Variants in NDFIP2 observed in about 807,000 individuals in gnomAD.
NDFIP2 encodes Nedd4 family interacting protein 2, also known as NEDD4 family-interacting protein 2.
Under a neutral mutation model 36.0 loss-of-function variants are expected in NDFIP2, and 19 were observed. That is an observed-to-expected ratio of 0.53 (90% CI 0.37 to 0.77). The LOEUF is 0.77. Among genes scored for constraint, NDFIP2 ranks in the 30% least tolerant of loss-of-function variants. The pLI is 0.00. For synonymous variants in NDFIP2, 181 were observed against 167.7 expected (o/e 1.08, Z -0.61); for missense variants, 446 against 435.8 (o/e 1.02, Z -0.21).
chr13:79,539,652 G>T, intron 3 of NDFIP2, 30 bp from the exon 4 acceptor site: 1 of 1,557,412 alleles, frequency 6.4e-7, no homozygotes, highest in Non-Finnish European at 8.8e-7. Context: ...GTAATTTTTA[G>T]TGAGCTATTC....
intron 1 of NDFIP2, among the ~76,000 whole-genome samples, chr13:79,502,987 A>G (rs1873724400): frequency 6.6e-6 from 1 of 152,076 alleles, no homozygotes; most frequent in Non-Finnish European, 1.5e-5. Context: ...GAGAATTTAA[A>G]GAAAAAACAA....
At chr13:79,494,750 A>G (rs1384006464) in intron 1 of NDFIP2, among the ~76,000 whole-genome samples, 1 of 152,012 alleles carries the variant, frequency 6.6e-6, no homozygotes, top group Non-Finnish European at 1.5e-5. Flanking sequence ...GTAGGTTCCT[A>G]AGAAAGGATA....
At chr13:79,523,418 C>T (rs1874664730) in intron 2 of NDFIP2, among the ~76,000 whole-genome samples, 1 of 152,108 alleles carries the variant, frequency 6.6e-6, no homozygotes, top group Non-Finnish European at 1.5e-5. Context: ...TGGCATTTCA[C>T]CATGTTGGTC....
intron 1 of NDFIP2, among the ~76,000 whole-genome samples, chr13:79,497,083 A>T (rs184809258): frequency 6.6e-6 from 1 of 151,752 alleles, no homozygotes; most frequent in South Asian, 2.1e-4. Flanking sequence ...GTAATTTTTG[A>T]TTTTATTCTG....
intron 1 of NDFIP2, among the ~76,000 whole-genome samples, chr13:79,506,484 T>C (rs967041754): frequency 1.4e-4 from 22 of 152,258 alleles, no homozygotes; most frequent in African/African-American, 5.3e-4. Flanking sequence ...AGTTGTTTTT[T>C]CCAGTTTCCT....
chr13:79,526,488 A>G (rs1187413485), intron 2 of NDFIP2, among the ~76,000 whole-genome samples: 10 of 152,198 alleles, frequency 6.6e-5, no homozygotes, highest in Non-Finnish European at 2.9e-5. Context: ...GAAGTTGTCT[A>G]TGCTGAGGAA....
At chr13:79,493,048 A>C (rs1873304543) in intron 1 of NDFIP2, among the ~76,000 whole-genome samples, 1 of 151,970 alleles carries the variant, frequency 6.6e-6, no homozygotes, top group South Asian at 2.1e-4. Flanking sequence ...GTGTGCACTT[A>C]TCCTTGTTAT....
At chr13:79,519,333 T>C (rs1323549968) in intron 1 of NDFIP2, among the ~76,000 whole-genome samples, 1 of 152,222 alleles carries the variant, frequency 6.6e-6, no homozygotes, top group African/African-American at 2.4e-5. Flanking sequence ...CTTAAAAATT[T>C]TTAATAAGAC....
At chr13:79,536,228 C>T (rs192459250) in intron 3 of NDFIP2, among the ~76,000 whole-genome samples, 2 of 152,282 alleles carry the variant, frequency 1.3e-5, no homozygotes, top group East Asian at 3.9e-4. Flanking sequence ...CAGGTAGACT[C>T]ATTTCATCTT....
chr13:79,520,937 C>T lies in NDFIP2; in HGVS notation c.449C>T (p.Pro150Leu). 2.5e-6 allele frequency: 4 copies of T among 1,613,410 alleles called. No homozygotes were observed. The highest frequency in any genetic ancestry group is 2.2e-5 in the East Asian group (1 of 44,870). The change falls in exon 2 of 8, where the codon CCA becomes CTA. Residue 150 changes from proline to leucine, a missense_variant. Transcript: ENST00000218652. Reference protein sequence around the residue: ...PALETDSSPPPYSSITVEVPT... With the variant: ...PALETDSSPPLYSSITVEVPT... ...CTTGAAACTGACTCTTCCCCTCCAC[C>T]ATATAGTAGTATTACTGTGGAAGTA...
chr13:79,545,180 C>T (rs9545132), intron 5 of NDFIP2, among the ~76,000 whole-genome samples: 25,969 of 152,052 alleles, frequency 0.17, 2,674 homozygotes, highest in Middle Eastern at 0.28. Context: ...AATCACAGAA[C>T]ATAGAAAATG....
chr13:79,488,247 A>T (rs1873095740), intron 1 of NDFIP2, among the ~76,000 whole-genome samples: 1 of 152,202 alleles, frequency 6.6e-6, no homozygotes, highest in African/African-American at 2.4e-5. Flanking sequence ...GTTGCTTATA[A>T]CTTGAAGACC....
intron 3 of NDFIP2, among the ~76,000 whole-genome samples, chr13:79,536,773 C>T (rs1875258351): frequency 6.6e-6 from 1 of 151,992 alleles, no homozygotes. Flanking sequence ...CCTGTAATCT[C>T]AGCACTTTGG....
chr13:79,481,372 A>T lies in NDFIP2; in HGVS notation c.169A>T (p.Arg57Trp), dbSNP rs201081260. The T allele has an allele frequency of 1.3e-6, 2 of 1,553,870 alleles. No homozygotes were observed. Among genetic ancestry groups the T allele is most frequent in the East Asian group, 4.8e-5 (2 of 41,746 alleles). The change falls in exon 1 of 8, where the codon AGG becomes TGG. Residue 57 changes from arginine (R) to tryptophan (W), a missense_variant. Arg to Trp is a moderately radical substitution (Grantham distance 101, BLOSUM62 -3). Coordinates refer to ENST00000218652, the MANE Select transcript of NDFIP2 (RefSeq NM_019080.3). ...GCTTCCGCCGGGAGACCGCGGCTGC[A>T]GGAACGGAGGCGGAAGGGGCCCTGC... is the stretch of plus-strand genomic sequence containing the variant. Reference protein sequence around the residue: ...EELPPGDRGCRNGGGRGPAAT... With the variant: ...EELPPGDRGCWNGGGRGPAAT...
chr13:79,509,709 G>GAAA (rs1874008582), intron 1 of NDFIP2, among the ~76,000 whole-genome samples: 5 of 108,056 alleles, frequency 4.6e-5, no homozygotes, highest in African/African-American at 1.8e-4. Flanking sequence ...AGAGAGAGAA[G>GAAA]TTTATTAACT....
intron 5 of NDFIP2, among the ~76,000 whole-genome samples, chr13:79,546,125 C>T (rs1017564669): frequency 6.6e-6 from 1 of 152,170 alleles, no homozygotes; most frequent in East Asian, 1.9e-4. Flanking sequence ...TGTACTTTGA[C>T]TTTTACTATA....
At chr13:79,492,053 T>C (rs539683510) in intron 1 of NDFIP2, among the ~76,000 whole-genome samples, 1 of 152,350 alleles carries the variant, frequency 6.6e-6, no homozygotes, top group Non-Finnish European at 1.5e-5. Flanking sequence ...TCATCTATGA[T>C]GTTTCTCCAG....
chr13:79,509,753 A>G (rs1015225770), intron 1 of NDFIP2, among the ~76,000 whole-genome samples: 6 of 152,094 alleles, frequency 3.9e-5, no homozygotes, highest in African/African-American at 1.4e-4. Context: ...TAGGCCTTGC[A>G]TCTGCAAGCT....
intron 1 of NDFIP2, among the ~76,000 whole-genome samples, chr13:79,501,831 T>C (rs867173804): frequency 1.3e-5 from 2 of 152,100 alleles, no homozygotes; most frequent in African/African-American, 4.8e-5. Flanking sequence ...GAGGGAAGAA[T>C]GAAACTTTCC....
Sources: gnomAD v4.1 joint callset for allele counts (sites outside exome capture counted in the v4.1 genomes callset) on GRCh38, gnomAD v4.1.1 for gene constraint, MANE v1.5 for transcripts, NCBI Gene and HGNC (gene_info 2026-07-23, HGNC 2026-07-21) for gene names.